CERS3: variants seen among roughly 807,000 people sequenced by gnomAD.
CERS3 encodes the protein ceramide synthase 3, also known as LAG1 homolog, ceramide synthase 3.
A neutral mutation model predicts 50.3 loss-of-function variants in CERS3; 33 were observed. That is an observed-to-expected ratio of 0.66 (90% CI 0.50 to 0.88). The LOEUF is 0.88. Ranked by LOEUF, CERS3 falls within the 40% of genes least tolerant of loss-of-function variation. CERS3 has a pLI of 0.00. For synonymous variants in CERS3, 176 were observed against 155.2 expected, an observed-to-expected ratio of 1.13 and a Z score of -0.99; for missense variants, 470 against 460.3, an observed-to-expected ratio of 1.02 and a Z score of -0.19.
chr15:100,498,444 G>A (rs140512985), intron 3 of CERS3, among the ~76,000 whole-genome samples: 1 of 152,218 alleles, frequency 6.6e-6, no homozygotes, highest in African/African-American at 2.4e-5. Flanking sequence ...TTAGAGATTA[G>A]CTTGCCAGCT....
intron 1 of CERS3, among the ~76,000 whole-genome samples, chr15:100,541,184 C>T (rs1422597369): frequency 2.0e-5 from 3 of 152,164 alleles, no homozygotes; most frequent in African/African-American, 7.2e-5. Flanking sequence ...TTGGAAGGCA[C>T]TTAAGAGATA....
At chr15:100,417,318 G>T (rs2032003857) in intron 11 of CERS3, among the ~76,000 whole-genome samples, 1 of 152,082 alleles carries the variant, frequency 6.6e-6, no homozygotes, top group Non-Finnish European at 1.5e-5. Flanking sequence ...AGAAAGGGGT[G>T]ACGGACGCAC....
chr15:100,410,536 A>G (rs2031401772), intron 11 of CERS3, among the ~76,000 whole-genome samples: 1 of 152,204 alleles, frequency 6.6e-6, no homozygotes, highest in South Asian at 2.1e-4. Flanking sequence ...GTGTTCTAGG[A>G]GCAGAGGCAT....
chr15:100,476,323 C>T (rs544073761), intron 7 of CERS3, 145 bp from the exon 8 acceptor site: 105 of 446,806 alleles, frequency 2.4e-4, no homozygotes, highest in East Asian at 9.0e-4. Context: ...TATATTTCAA[C>T]GAAGGAATTA....
intron 11 of CERS3, among the ~76,000 whole-genome samples, chr15:100,426,241 T>C (rs918590033): frequency 6.6e-6 from 1 of 151,910 alleles, no homozygotes; most frequent in Admixed American, 6.6e-5. Context: ...TAGTGAAAAA[T>C]AAAAAATAAA....
intron 11 of CERS3, among the ~76,000 whole-genome samples, chr15:100,449,397 C>A (rs2034070127): frequency 6.6e-6 from 1 of 152,222 alleles, no homozygotes; most frequent in Admixed American, 6.5e-5. Context: ...GGCCAACCTA[C>A]CTCCTGCCCC....
intron 2 of CERS3, among the ~76,000 whole-genome samples, chr15:100,504,414 C>T (rs112562540): frequency 0.041 from 6,283 of 151,834 alleles, 182 homozygotes; most frequent in Non-Finnish European, 0.055. Context: ...CAGCTAATTT[C>T]GTATTTTTAG....
intron 7 of CERS3, among the ~76,000 whole-genome samples, chr15:100,477,336 G>A (rs1020264969): frequency 3.9e-5 from 6 of 152,084 alleles, no homozygotes; most frequent in South Asian, 2.1e-4. Flanking sequence ...AACGTATAAC[G>A]AATTTTTTTG....
At chr15:100,534,959 C>G (rs1596828679) in intron 1 of CERS3, among the ~76,000 whole-genome samples, 1 of 152,072 alleles carries the variant, frequency 6.6e-6, no homozygotes, top group Non-Finnish European at 1.5e-5. Context: ...ATTGTCCCAC[C>G]TACACCTCAA....
chr15:100,508,560 G>T (rs1393503475), intron 2 of CERS3, among the ~76,000 whole-genome samples: 1 of 152,110 alleles, frequency 6.6e-6, no homozygotes, highest in African/African-American at 2.4e-5. Flanking sequence ...AAAAATTCTT[G>T]AGCCTTCACA....
At chr15:100,485,545 C>A (rs952261221) in intron 4 of CERS3, among the ~76,000 whole-genome samples, 6 of 152,138 alleles carry the variant, frequency 3.9e-5, no homozygotes, top group African/African-American at 1.4e-4. Context: ...ATAAAAAATG[C>A]CAGCCCTCTT....
chr15:100,454,778 C>A (rs2034303531), intron 11 of CERS3, among the ~76,000 whole-genome samples: 1 of 130,926 alleles, frequency 7.6e-6, no homozygotes, highest in African/African-American at 2.7e-5. Context: ...AGTGAAGAGA[C>A]AACCTGTTGA....
At chr15:100,480,150 G>A (rs2035254906) in intron 5 of CERS3, 104 bp from the exon 6 acceptor site, 3 of 833,996 alleles carry the variant, frequency 3.6e-6, no homozygotes, top group Non-Finnish European at 5.9e-6. Flanking sequence ...ACATTCTGGA[G>A]TCAGACAAAT....
intron 11 of CERS3, among the ~76,000 whole-genome samples, chr15:100,443,366 C>A (rs1310268634): frequency 2.7e-5 from 4 of 150,134 alleles, no homozygotes; most frequent in African/African-American, 9.8e-5. Context: ...TATAAACTCT[C>A]CTTACAATTC....
intron 3 of CERS3, among the ~76,000 whole-genome samples, chr15:100,497,064 C>A (rs1035369208): frequency 1.3e-5 from 2 of 152,028 alleles, no homozygotes; most frequent in African/African-American, 4.8e-5. Flanking sequence ...AAGAAAAGGT[C>A]TTAGTGCAAT....
intron 3 of CERS3, among the ~76,000 whole-genome samples, chr15:100,492,129 T>C (rs1280191959): frequency 6.6e-6 from 1 of 152,214 alleles, no homozygotes; most frequent in African/African-American, 2.4e-5. Flanking sequence ...TATGTAATCA[T>C]GCTGGAGAAT....
intron 10 of CERS3, among the ~76,000 whole-genome samples, chr15:100,460,937 T>G (rs1226573734): frequency 6.6e-6 from 1 of 152,096 alleles, no homozygotes; most frequent in African/African-American, 2.4e-5. Flanking sequence ...GGCTGTCAAG[T>G]GGGAAGCATC....
chr15:100,413,510 GACTATACTAT>G lies in CERS3; in HGVS notation c.1000-10655_1000-10646del, dbSNP rs56261519. On this transcript the variant is annotated intron_variant, in intron 11 of 11. Transcript: ENST00000679737. Reference sequence around the variant, plus strand: ...TTACAAAAAAGTCAACACAACTGACGACTATACTATACTATACTATACTATACTATACTAT... The same window carrying G: ...TTACAAAAAAGTCAACACAACTGACGACTATACTATACTATACTATACTAT... Among the ~76,000 whole-genome samples the G allele has an allele frequency of 9.5e-3, 1,430 of 149,746 alleles. 13 individuals carry two copies. Among genetic ancestry groups the G allele is most frequent in the African/African-American group, 0.024 (992 of 40,634 alleles).
chr15:100,412,439 T>C (rs1242323659), intron 11 of CERS3, among the ~76,000 whole-genome samples: 1 of 152,230 alleles, frequency 6.6e-6, no homozygotes, highest in African/African-American at 2.4e-5. Flanking sequence ...GGTACCACAC[T>C]GTCTTGATTA....
Sources: gnomAD v4.1 joint callset for allele counts (sites outside exome capture counted in the v4.1 genomes callset) on GRCh38, gnomAD v4.1.1 for gene constraint, MANE v1.5 for transcripts, NCBI Gene and HGNC (gene_info 2026-07-23, HGNC 2026-07-21) for gene names.